MAP3K20: variants seen among roughly 807,000 people sequenced by gnomAD.
MAP3K20 encodes the protein mitogen-activated protein kinase kinase kinase 20, also known as HCCS-4.
A neutral mutation model predicts 85.7 loss-of-function variants in MAP3K20; 40 were observed. That is an observed-to-expected ratio of 0.47 (90% confidence interval 0.36 to 0.61). The LOEUF is 0.61. MAP3K20 is among the 20% of genes least tolerant of loss of function. The pLI, the probability that MAP3K20 is intolerant of heterozygous loss-of-function variation, is 0.00. For missense variants in MAP3K20, 817 were observed against 961.7 expected (o/e 0.85, Z 1.99); for synonymous variants, 325 against 327.7 (o/e 0.99, Z 0.09).
intron 2 of MAP3K20, among the ~76,000 whole-genome samples, chr2:173,114,063 G>A (rs1477982329): frequency 6.6e-6 from 1 of 151,704 alleles, no homozygotes; most frequent in Non-Finnish European, 1.5e-5. Context: ...TATAAATTTG[G>A]GTGCTCCAGT....
chr2:173,266,276 G>T lies in MAP3K20; in HGVS notation c.1929G>T (p.Leu643=). 6.2e-7 allele frequency: 1 copy of T among 1,614,060 alleles called. No homozygotes were observed. Among genetic ancestry groups the T allele is most frequent in the South Asian group, 1.1e-5 (1 of 91,048 alleles). Residue 643 remains leucine (L), a synonymous_variant, in exon 20 of 20, where the codon CTG becomes CTT. Transcript: ENST00000375213. ...SRSSSPTQYG[L]TKNFSSLHLN... ...GCTCGTCTCCTACTCAGTATGGACT[G>T]ACCAAAAACTTCTCTTCCCTACATC...
Position 173,267,570 on chromosome 2 carries a change from G to T in MAP3K20, c.*820G>T, listed in dbSNP as rs1387019834. On this transcript the variant is annotated 3_prime_UTR_variant, in exon 20 of 20. Transcript: ENST00000375213. Reference sequence around the variant, plus strand: ...TCATTACGATTTATCAGAAACCAAAGATTTAAATTGCCTAGATTTGTGGTT... The same window carrying T: ...TCATTACGATTTATCAGAAACCAAATATTTAAATTGCCTAGATTTGTGGTT... The T allele has an allele frequency of 6.6e-6, 1 of 152,156 alleles. No individual in the cohort carries two copies. The highest frequency in any genetic ancestry group is 2.4e-5 in the African/African-American group (1 of 41,426). 9.4% of individuals were successfully genotyped at this position (152,156 alleles called of 1,614,324 possible). A position where few individuals can be genotyped will look rare whatever the true frequency, so the allele number is the denominator to read the frequency against.
intron 2 of MAP3K20, among the ~76,000 whole-genome samples, chr2:173,144,641 T>A (rs913834794): frequency 9.2e-5 from 14 of 152,052 alleles, no homozygotes; most frequent in Non-Finnish European, 1.9e-4. Flanking sequence ...AAAGCTACAG[T>A]GAGCCATGAT....
intron 11 of MAP3K20, chr2:173,223,884 C>G (rs945596889): frequency 2.0e-6 from 2 of 985,458 alleles, no homozygotes; most frequent in Middle Eastern, 5.2e-4. Flanking sequence ...CTTGGGACTC[C>G]TGTCTTTCCA....
Position 173,263,807 on chromosome 2 carries a change from A to T in MAP3K20, c.1614A>T (p.Lys538Asn), listed in dbSNP as rs1331670221. 1 of 1,613,760 alleles carries T rather than the reference A, an allele frequency of 6.2e-7. No homozygotes were observed. Reference sequence around the variant, plus strand: ...ATTCGATTCAGTGGAGTAGAACAAAACCTCAGGATGAAGTGAAAGCAGTCC... The same window carrying T: ...ATTCGATTCAGTGGAGTAGAACAAATCCTCAGGATGAAGTGAAAGCAGTCC... Reference protein sequence around the residue: ...HVHSIQWSRTKPQDEVKAVQL... With the variant: ...HVHSIQWSRTNPQDEVKAVQL... The change falls in exon 19 of 20, where the codon AAA (lysine) becomes AAT (asparagine). Residue 538 changes from lysine (K) to asparagine (N), a missense_variant. This residue lies in a region of MAP3K20 where 454 missense variants were observed against 476.9 expected (regional missense o/e 0.95). Transcript: ENST00000375213.
intron 11 of MAP3K20, chr2:173,225,678 G>A: frequency 1.0e-6 from 1 of 984,182 alleles, no homozygotes; most frequent in Non-Finnish European, 1.2e-6. Flanking sequence ...AAGCTTTAGA[G>A]TTTCGTCTCT....
chr2:173,174,598 G>C (rs1364014546), intron 3 of MAP3K20, among the ~76,000 whole-genome samples: 1 of 152,122 alleles, frequency 6.6e-6, no homozygotes, highest in East Asian at 1.9e-4. Flanking sequence ...TCTTTATCCA[G>C]TCTATCATTG....
intron 10 of MAP3K20, chr2:173,211,399 C>G (rs1683887389): frequency 6.6e-6 from 1 of 152,240 alleles, no homozygotes; most frequent in Non-Finnish European, 1.5e-5. Context: ...GTATTTCTCC[C>G]CTTTTCAGGA....
chr2:173,139,725 A>G (rs2106211640), intron 2 of MAP3K20, among the ~76,000 whole-genome samples: 1 of 152,290 alleles, frequency 6.6e-6, no homozygotes, highest in East Asian at 1.9e-4. Flanking sequence ...TACTTAAGTA[A>G]AGGAACCAAT....
intron 2 of MAP3K20, chr2:173,160,266 C>T (rs1689616370): frequency 6.6e-6 from 1 of 152,016 alleles, no homozygotes; most frequent in Non-Finnish European, 1.5e-5. Context: ...TCTTGTTAAG[C>T]CCAAAGTGAC....
rs374822565 is a variant in MAP3K20, at chr2:173,230,329, A to C, written c.1032+596A>C. On this transcript the variant is annotated intron_variant, in intron 12 of 19. Coordinates refer to ENST00000375213, the MANE Select transcript of MAP3K20 (RefSeq NM_016653.3). ...TGAACATACTTGAAAAAAAAGTGAT[A>C]TTAAATCTTTTTACAAGAACAGGGA... Among the ~76,000 whole-genome samples, 315 of 152,276 alleles carry C rather than the reference A, an allele frequency of 2.1e-3. 6 individuals are homozygous for C. In the South Asian group the frequency reaches 0.056, roughly 27 times the overall value.
At chr2:173,257,047 C>G (rs1685178308) in intron 16 of MAP3K20, among the ~76,000 whole-genome samples, 1 of 139,660 alleles carries the variant, frequency 7.2e-6, no homozygotes, top group Non-Finnish European at 1.5e-5. Context: ...GCTTGTGGTC[C>G]CAGCTACTTA....
intron 16 of MAP3K20, among the ~76,000 whole-genome samples, chr2:173,241,443 T>C (rs1021755917): frequency 6.6e-6 from 1 of 152,058 alleles, no homozygotes; most frequent in South Asian, 2.1e-4. Flanking sequence ...TGGAATCCCA[T>C]TGCTACAAAA....
intron 3 of MAP3K20, among the ~76,000 whole-genome samples, chr2:173,173,271 C>T (rs1248890372): frequency 6.6e-6 from 1 of 151,282 alleles, no homozygotes; most frequent in Middle Eastern, 3.4e-3. Flanking sequence ...GGATACCAGA[C>T]CATGTAGCTC....
At chr2:173,256,175 C>T (rs559462168) in intron 16 of MAP3K20, among the ~76,000 whole-genome samples, 6 of 152,320 alleles carry the variant, frequency 3.9e-5, no homozygotes, top group African/African-American at 4.8e-5. Context: ...CTGTTGAAGC[C>T]GACAGGCTTT....
chr2:173,187,705 C>A, intron 5 of MAP3K20, 82 bp downstream of exon 5: 1 of 1,302,122 alleles, frequency 7.7e-7, no homozygotes, highest in Non-Finnish European at 1.1e-6. Flanking sequence ...CATTCTTTTA[C>A]ATATCTTTTG....
chr2:173,108,572 T>C (rs17302977), intron 2 of MAP3K20, among the ~76,000 whole-genome samples: 42,789 of 152,134 alleles, frequency 0.28, 7,444 homozygotes, highest in Non-Finnish European at 0.39. Context: ...TTGGAGGTAT[T>C]GTTCCATGTA....
rs566416859 is a variant in MAP3K20 at position 173,255,620 on chromosome 2, C to T, written c.1360-3079C>T. Among the ~76,000 whole-genome samples the T allele has an allele frequency of 3.3e-5, 5 of 152,290 alleles. No homozygotes were observed. In the East Asian group the frequency reaches 7.7e-4, roughly 23 times the overall value. ...TGTCAGCCGCTTCTTCACACAGAGCCGTTCTGACGGTGTGCAGAGGAGGGT... is the reference window on the plus strand; with the variant it reads ...TGTCAGCCGCTTCTTCACACAGAGCTGTTCTGACGGTGTGCAGAGGAGGGT... On this transcript the variant is annotated intron_variant, in intron 16 of 19. Transcript: ENST00000375213.
At chr2:173,229,153 A>C (rs1197876967) in intron 11 of MAP3K20, among the ~76,000 whole-genome samples, 2 of 152,240 alleles carry the variant, frequency 1.3e-5, no homozygotes, top group African/African-American at 4.8e-5. Context: ...GCAACTCTGC[A>C]GCCTGGGTTT....
Sources: gnomAD v4.1 joint callset for allele counts (sites outside exome capture counted in the v4.1 genomes callset) on GRCh38, gnomAD v4.1.1 for gene constraint, gnomAD v4.1.1 regional missense constraint, MANE v1.5 for transcripts, NCBI Gene and HGNC (gene_info 2026-07-23, HGNC 2026-07-21) for gene names.